Variants in FIGN observed in about 807,000 individuals in gnomAD.
FIGN encodes fidgetin, microtubule severing factor.
FIGN carries 11 observed loss-of-function variants against 51.3 expected under a neutral mutation model. That is an observed-to-expected ratio of 0.21 (90% confidence interval 0.13 to 0.35). The LOEUF is 0.35. Among genes scored for constraint, FIGN ranks in the 10% least tolerant of loss-of-function variants. The probability of loss-of-function intolerance (pLI) is 1.00; values close to 1 mark genes in which losing one functional copy is unlikely to be tolerated. For missense variants in FIGN, 857 were observed against 943.6 expected (o/e 0.91, Z 1.20); for synonymous variants, 407 against 363.2 (o/e 1.12, Z -1.37).
chr2:163,609,523 C>G lies in FIGN; in HGVS notation c.*29G>C. The G allele has an allele frequency of 1.3e-6, 2 of 1,535,060 alleles. No individual in the cohort carries two copies. Among genetic ancestry groups the G allele is most frequent in the Non-Finnish European group, 1.8e-6 (2 of 1,134,340 alleles). Reference sequence around the variant, plus strand: ...GGTTTTATGTGTGTGTGCCAACATTCATTACATTTTTTTTTTCTAAAGAAG... The same window carrying G: ...GGTTTTATGTGTGTGTGCCAACATTGATTACATTTTTTTTTTCTAAAGAAG... On this transcript the variant is annotated 3_prime_UTR_variant, in exon 3 of 3. Transcript: ENST00000333129.
chr2:163,686,578 T>C (rs1684153170), intron 2 of FIGN, among the ~76,000 whole-genome samples: 2 of 152,104 alleles, frequency 1.3e-5, no homozygotes, highest in African/African-American at 2.4e-5. Flanking sequence ...ATTACACATA[T>C]AGTCCTAGTT....
chr2:163,617,024 G>T, intron 2 of FIGN: 1 of 818,880 alleles, frequency 1.2e-6, no homozygotes, highest in Non-Finnish European at 1.5e-6. Flanking sequence ...ATGACCAAAT[G>T]AAATGTTTGA....
chr2:163,657,577 G>A (rs1683582600), intron 2 of FIGN, among the ~76,000 whole-genome samples: 1 of 151,864 alleles, frequency 6.6e-6, no homozygotes, highest in East Asian at 2.0e-4. Flanking sequence ...CAAGTTGTCT[G>A]AGTGAAGCTG....
rs1691193193 is a variant in FIGN, at chr2:163,609,812, T to C, written c.2020A>G (p.Asn674Asp). The part of the protein sequence containing the change: ...QLLSQHNYCL[N>D]DKEFALLVQR... The stretch of plus-strand genomic sequence containing the variant: ...ACGAGCAGTGCAAACTCCTTGTCAT[T>C]GAGACAGTAATTGTGCTGTGAGAGC... The change falls in exon 3 of 3, where the codon AAT becomes GAT. Residue 674 changes from asparagine to aspartate, a missense_variant. This residue lies in a region of FIGN where 799 missense variants were observed against 849.5 expected (regional missense o/e 0.94). Transcript: ENST00000333129. 6.2e-7 allele frequency: 1 copy of C among 1,613,500 alleles called. No homozygotes were observed. Among genetic ancestry groups the C allele is most frequent in the Non-Finnish European group, 8.5e-7 (1 of 1,179,560 alleles).
intron 2 of FIGN, among the ~76,000 whole-genome samples, chr2:163,630,459 C>A (rs1303808765): frequency 6.6e-6 from 1 of 152,192 alleles, no homozygotes; most frequent in Middle Eastern, 3.4e-3. Flanking sequence ...GTCCCCAACA[C>A]CAGGCAGGTG....
intron 2 of FIGN, among the ~76,000 whole-genome samples, chr2:163,689,173 A>AACAC (rs58519537): frequency 1.7e-4 from 24 of 144,652 alleles, no homozygotes; most frequent in African/African-American, 2.8e-4. Context: ...AACAAAAATG[A>AACAC]ACACACACAC....
chr2:163,636,474 G>A (rs1683227419), intron 2 of FIGN, among the ~76,000 whole-genome samples: 1 of 151,980 alleles, frequency 6.6e-6, no homozygotes, highest in African/African-American at 2.4e-5. Context: ...TAGTAGAGAC[G>A]GGGTTTCTCC....
chr2:163,691,961 A>G (rs947281380), intron 2 of FIGN, among the ~76,000 whole-genome samples: 8 of 152,182 alleles, frequency 5.3e-5, no homozygotes, highest in Non-Finnish European at 8.8e-5. Flanking sequence ...GTTCATCTTT[A>G]AAAATTTTAA....
chr2:163,667,796 A>T (rs1469438212), intron 2 of FIGN, among the ~76,000 whole-genome samples: 1 of 152,002 alleles, frequency 6.6e-6, no homozygotes, highest in African/African-American at 2.4e-5. Flanking sequence ...CTGTGCTGTA[A>T]CTGTTTATTT....
intron 2 of FIGN, among the ~76,000 whole-genome samples, chr2:163,694,394 C>T (rs368299142): frequency 6.6e-6 from 1 of 152,146 alleles, no homozygotes; most frequent in Non-Finnish European, 1.5e-5. Context: ...TCTAGGGGCT[C>T]TAAGAGGTCC....
chr2:163,700,981 T>C (rs1382093562), intron 2 of FIGN, among the ~76,000 whole-genome samples: 2 of 152,176 alleles, frequency 1.3e-5, no homozygotes, highest in African/African-American at 4.8e-5. Context: ...CACTGGGTGC[T>C]TTATTTAGAC....
At chr2:163,645,882 C>T (rs1011318924) in intron 2 of FIGN, among the ~76,000 whole-genome samples, 1 of 152,196 alleles carries the variant, frequency 6.6e-6, no homozygotes, top group Non-Finnish European at 1.5e-5. Context: ...GTTCCTTCTA[C>T]AGATGGAGTC....
chr2:163,669,073 A>G (rs188415120), intron 2 of FIGN, among the ~76,000 whole-genome samples: 59 of 149,574 alleles, frequency 3.9e-4, no homozygotes, highest in Admixed American at 1.0e-3. Flanking sequence ...AAAGATATTC[A>G]TCCTGCTGTA....
intron 2 of FIGN, among the ~76,000 whole-genome samples, chr2:163,723,528 T>A (rs1189973296): frequency 3.9e-5 from 6 of 152,124 alleles, no homozygotes; most frequent in African/African-American, 1.4e-4. Flanking sequence ...CAAAGAAGGC[T>A]TCATGGATGA....
chr2:163,636,122 G>A (rs1683221393), intron 2 of FIGN, among the ~76,000 whole-genome samples: 1 of 152,156 alleles, frequency 6.6e-6, no homozygotes, highest in East Asian at 1.9e-4. Flanking sequence ...TGATATGTTA[G>A]GATCAGTTCT....
Position 163,610,472 on chromosome 2 carries a change from T to C in FIGN, c.1360A>G (p.Asn454Asp). The C allele has an allele frequency of 6.2e-7, 1 of 1,614,140 alleles. No homozygotes were observed. Among genetic ancestry groups the C allele is most frequent in the Non-Finnish European group, 8.5e-7 (1 of 1,180,024 alleles). ...GPGLRAATSS[N>D]HSVDEQLKNT... Reference sequence around the variant, plus strand: ...TTCAGTTGCTCGTCCACAGAGTGGTTGGATGAGGTAGCTGCACGGAGTCCA... The same window carrying C: ...TTCAGTTGCTCGTCCACAGAGTGGTCGGATGAGGTAGCTGCACGGAGTCCA... Residue 454 changes from asparagine to aspartate, a missense_variant, in exon 3 of 3, where the codon AAC (asparagine) becomes GAC (aspartate). Asn to Asp is a conservative substitution (Grantham distance 23). Coordinates refer to ENST00000333129, the MANE Select transcript of FIGN (RefSeq NM_018086.4).
At chr2:163,636,713 C>T in intron 2 of FIGN, among the ~76,000 whole-genome samples, 1 of 152,020 alleles carries the variant, frequency 6.6e-6, no homozygotes, top group Non-Finnish European at 1.5e-5. Context: ...AAACATAACA[C>T]TAGGGATGTA....
intron 2 of FIGN, among the ~76,000 whole-genome samples, chr2:163,685,272 T>C (rs1684130160): frequency 1.3e-5 from 2 of 152,218 alleles, no homozygotes; most frequent in African/African-American, 2.4e-5. Flanking sequence ...CTGTACTCCT[T>C]GTTCTACCCT....
intron 2 of FIGN, among the ~76,000 whole-genome samples, chr2:163,640,664 GA>G (rs1013989308): frequency 4.6e-5 from 7 of 151,784 alleles, no homozygotes; most frequent in African/African-American, 1.5e-4. Flanking sequence ...CTATTGACTT[GA>G]AAAAAAATTC....
Sources: allele counts gnomAD v4.1 joint callset (sites outside exome capture counted in the v4.1 genomes callset), GRCh38; gene constraint gnomAD v4.1.1; regional missense constraint gnomAD v4.1.1; transcripts MANE v1.5; gene names NCBI Gene and HGNC (gene_info 2026-07-23, HGNC 2026-07-21).